F13A1: variants seen among roughly 807,000 people sequenced by gnomAD.
F13A1 encodes coagulation factor XIII A chain.
F13A1 carries 47 observed loss-of-function variants against 80.1 expected under a neutral mutation model. The ratio of observed to expected loss-of-function variants is 0.59; its 90% confidence interval spans 0.46 to 0.75. F13A1 has a LOEUF of 0.75. Ranked by LOEUF, F13A1 falls within the 30% of genes least tolerant of loss-of-function variation. The pLI is 0.00. For synonymous variants in F13A1, 349 were observed against 344.9 expected, an observed-to-expected ratio of 1.01 and a Z score of -0.13; for missense variants, 817 against 930.4, an observed-to-expected ratio of 0.88 and a Z score of 1.59.
rs757737806 is a variant in F13A1, at chr6:6,145,777, A to G, written c.2046-5T>C. ...GTGGAGTTGGGCCGGATTTCACTGA[A>G]AGGATGGAAAAGAGAGGAGAGGTTG... On this transcript the variant is annotated splice_region_variant and splice_polypyrimidine_tract_variant and intron_variant, in intron 14 of 14. Coordinates refer to ENST00000264870, the MANE Select transcript of F13A1 (RefSeq NM_000129.4). 1.1e-5 allele frequency: 18 copies of G among 1,613,856 alleles called. No homozygotes were observed. Among genetic ancestry groups the G allele is most frequent in the Non-Finnish European group, 1.5e-5 (18 of 1,179,930 alleles).
At chr6:6,197,444 C>A in intron 8 of F13A1, 118 bp from the exon 9 acceptor site, 1 of 920,340 alleles carries the variant, frequency 1.1e-6, no homozygotes, top group South Asian at 1.4e-5. Flanking sequence ...ATTTGGGAGG[C>A]CAAGGCAGGT....
intron 13 of F13A1, among the ~76,000 whole-genome samples, chr6:6,159,307 C>T (rs140715701): frequency 5.9e-5 from 9 of 152,194 alleles, no homozygotes; most frequent in East Asian, 3.9e-4. Flanking sequence ...TGGTCCATCC[C>T]GGTGGGTTTC....
At chr6:6,160,170 G>A (rs1425181012) in intron 13 of F13A1, among the ~76,000 whole-genome samples, 2 of 151,258 alleles carry the variant, frequency 1.3e-5, no homozygotes, top group Non-Finnish European at 3.0e-5. Flanking sequence ...CCAGCTACTT[G>A]GGAGACTGAG....
intron 8 of F13A1, among the ~76,000 whole-genome samples, chr6:6,216,600 T>A (rs2113047205): frequency 6.7e-6 from 1 of 149,708 alleles, no homozygotes; most frequent in East Asian, 1.9e-4. Context: ...GCAATACCAT[T>A]CAGGACATAG....
intron 3 of F13A1, 124 bp downstream of exon 3, chr6:6,305,227 T>G (rs1358169631): frequency 1.7e-5 from 18 of 1,076,300 alleles, no homozygotes; most frequent in Middle Eastern, 2.0e-4. Flanking sequence ...AGGGGCTGGA[T>G]GTCATTCCAG....
intron 4 of F13A1, among the ~76,000 whole-genome samples, chr6:6,266,084 ATAGAGGTT>A (rs1206866890): frequency 1.3e-5 from 2 of 152,230 alleles, no homozygotes; most frequent in Non-Finnish European, 2.9e-5. Context: ...GACTTCACAT[ATAGAGGTT>A]TTATCTTCAT....
chr6:6,155,358 A>G (rs1337029939), intron 13 of F13A1, among the ~76,000 whole-genome samples: 1 of 152,160 alleles, frequency 6.6e-6, no homozygotes, highest in African/African-American at 2.4e-5. Flanking sequence ...ATGCCTAATC[A>G]GTTTGCTTCC....
intron 6 of F13A1, among the ~76,000 whole-genome samples, chr6:6,240,382 C>A (rs750817201): frequency 1.3e-5 from 2 of 152,056 alleles, no homozygotes; most frequent in Non-Finnish European, 2.9e-5. Flanking sequence ...ACTGCCCCCA[C>A]CTGAAAGAGA....
At chr6:6,236,545 C>T (rs1447050649) in intron 6 of F13A1, among the ~76,000 whole-genome samples, 2 of 152,034 alleles carry the variant, frequency 1.3e-5, no homozygotes, top group Non-Finnish European at 2.9e-5. Context: ...TCCTGTAGCG[C>T]AGACCTTTAC....
In F13A1 at chr6:6,285,715, C is replaced by T. The variant is rs113222616; in HGVS notation, c.320-18906G>A. ...CGCACACACCAGGAATGGCAGGCGA[C>T]CATCAGGTGACGGTCATTGTTAAAC... On this transcript the variant is annotated intron_variant, in intron 3 of 14. Coordinates refer to ENST00000264870, the MANE Select transcript of F13A1 (RefSeq NM_000129.4). Among the ~76,000 whole-genome samples the T allele has an allele frequency of 3.3e-3, 505 of 152,298 alleles. 3 individuals are homozygous for T. Among genetic ancestry groups the T allele is most frequent in the African/African-American group, 0.012 (486 of 41,562 alleles).
rs150518153 is a variant in F13A1 at position 6,206,216 on chromosome 6, T to C, written c.1113-8890A>G. Among the ~76,000 whole-genome samples the C allele has an allele frequency of 9.1e-4, 139 of 152,360 alleles. 1 individual carries two copies. The highest frequency in any genetic ancestry group is 2.9e-3 in the African/African-American group (121 of 41,586). On this transcript the variant is annotated intron_variant, in intron 8 of 14. Transcript: ENST00000264870. Reference sequence around the variant, plus strand: ...TATGATATTCTACAGCTGATGGCTCTTATTTTTGTAACGTGTTCCTAGAGG... The same window carrying C: ...TATGATATTCTACAGCTGATGGCTCCTATTTTTGTAACGTGTTCCTAGAGG...
chr6:6,320,192 G>A (rs1002459153), intron 1 of F13A1, among the ~76,000 whole-genome samples: 2 of 152,184 alleles, frequency 1.3e-5, no homozygotes, highest in Non-Finnish European at 2.9e-5. Context: ...CAGGAGTGGG[G>A]AGCCAAGCCG....
chr6:6,228,047 AT>A (rs2113068764), intron 6 of F13A1, among the ~76,000 whole-genome samples: 1 of 152,250 alleles, frequency 6.6e-6, no homozygotes, highest in East Asian at 1.9e-4. Context: ...CATGTTTGTC[AT>A]TTTTCATGCC....
intron 3 of F13A1, among the ~76,000 whole-genome samples, chr6:6,273,981 G>A (rs1207570539): frequency 6.6e-6 from 1 of 152,194 alleles, no homozygotes; most frequent in African/African-American, 2.4e-5. Flanking sequence ...GTATTCAAAA[G>A]CAAATCATCT....
chr6:6,187,593 G>T (rs1761101901), intron 10 of F13A1, among the ~76,000 whole-genome samples: 1 of 117,280 alleles, frequency 8.5e-6, no homozygotes, highest in Non-Finnish European at 1.8e-5. Context: ...TGGTGAATAA[G>T]CTTTTTGATG....
chr6:6,192,918 G>T (rs566370997), intron 10 of F13A1, among the ~76,000 whole-genome samples: 3 of 152,250 alleles, frequency 2.0e-5, no homozygotes, highest in South Asian at 2.1e-4. Context: ...GAAGGAGAGA[G>T]TTCTTCACTA....
intron 13 of F13A1, among the ~76,000 whole-genome samples, chr6:6,154,191 A>G (rs145915299): frequency 5.1e-4 from 77 of 151,812 alleles, no homozygotes; most frequent in African/African-American, 1.3e-3. Flanking sequence ...GAGATTTTCA[A>G]ACCGGTGGGA....
At chr6:6,165,446 AT>A (rs1760654586) in intron 13 of F13A1, among the ~76,000 whole-genome samples, 1 of 152,044 alleles carries the variant, frequency 6.6e-6, no homozygotes, top group Non-Finnish European at 1.5e-5. Flanking sequence ...ATTAAATTCT[AT>A]TTTCTGCTGT....
At chr6:6,186,839 A>C (rs1207549109) in intron 10 of F13A1, among the ~76,000 whole-genome samples, 1 of 149,970 alleles carries the variant, frequency 6.7e-6, no homozygotes, top group Admixed American at 6.7e-5. Context: ...CACGATATTG[A>C]TTCTTCCTAC....
Sources: gnomAD v4.1 joint callset for allele counts (sites outside exome capture counted in the v4.1 genomes callset) on GRCh38, gnomAD v4.1.1 for gene constraint, MANE v1.5 for transcripts, NCBI Gene and HGNC (gene_info 2026-07-23, HGNC 2026-07-21) for gene names.